Variants in GLRA1 observed in about 807,000 individuals in gnomAD.
The protein encoded by GLRA1 is glycine receptor alpha 1.
In GLRA1, 37 loss-of-function variants were observed where a neutral mutation model predicts 48.3. The ratio of observed to expected loss-of-function variants is 0.77; its 90% CI spans 0.59 to 1.01. GLRA1 has a LOEUF of 1.01. GLRA1 is among the 50% of genes least tolerant of loss of function. GLRA1 has a pLI of 0.00. For missense variants in GLRA1, 427 were observed against 571.0 expected (o/e 0.75, Z 2.57); for synonymous variants, 196 against 210.7 (o/e 0.93, Z 0.60).
intron 3 of GLRA1, among the ~76,000 whole-genome samples, chr5:151,877,840 CT>C (rs1753664736): frequency 6.6e-6 from 1 of 152,148 alleles, no homozygotes; most frequent in Non-Finnish European, 1.5e-5. Flanking sequence ...CAATAAAGGT[CT>C]TTCTTTTGTA....
intron 3 of GLRA1, among the ~76,000 whole-genome samples, chr5:151,885,961 T>A (rs1250900837): frequency 6.6e-6 from 1 of 152,150 alleles, no homozygotes; most frequent in African/African-American, 2.4e-5. Context: ...GGCGGGTGGA[T>A]GTTCCGAAAT....
intron 3 of GLRA1, chr5:151,875,438 T>G (rs780846051): frequency 6.6e-6 from 1 of 152,194 alleles, no homozygotes; most frequent in Non-Finnish European, 1.5e-5. Flanking sequence ...CCTCCCAGAG[T>G]GCTAGAATTA....
At chr5:151,852,465 T>G (rs935223507) in intron 6 of GLRA1, among the ~76,000 whole-genome samples, 2 of 152,246 alleles carry the variant, frequency 1.3e-5, no homozygotes, top group African/African-American at 4.8e-5. Flanking sequence ...TCTATCTGTC[T>G]TCTGCACTAG....
intron 7 of GLRA1, among the ~76,000 whole-genome samples, chr5:151,842,792 G>C (rs978818643): frequency 6.6e-6 from 1 of 151,880 alleles, no homozygotes. Flanking sequence ...AGGTGAGAAA[G>C]AAAAAAATAA....
intron 3 of GLRA1, among the ~76,000 whole-genome samples, chr5:151,880,943 TCA>T (rs1486324129): frequency 1.3e-5 from 2 of 152,228 alleles, no homozygotes; most frequent in African/African-American, 4.8e-5. Context: ...GTATGCAAAC[TCA>T]CAGATACATG....
At chr5:151,893,291 T>TAA (rs1754136389) in intron 1 of GLRA1, among the ~76,000 whole-genome samples, 4 of 79,800 alleles carry the variant, frequency 5.0e-5, no homozygotes, top group Middle Eastern at 6.1e-3. Context: ...CAACTTTCTT[T>TAA]CTTTCTTTCT....
chr5:151,894,435 C>A lies in GLRA1; in HGVS notation c.57-1997G>T, dbSNP rs145592426. ...AATTCATCTCCCAAACTGAACACTA[C>A]AGCTTCCTTCCTAGACTTGCTCCTC... On this transcript the variant is annotated intron_variant, in intron 1 of 8. Coordinates refer to ENST00000274576, the MANE Select transcript of GLRA1 (RefSeq NM_000171.4). 2.0e-5 allele frequency among the ~76,000 whole-genome samples: 3 copies of A among 152,296 alleles called. No individual in the cohort carries two copies. In the East Asian group the frequency reaches 5.8e-4, roughly 29 times the overall value.
chr5:151,849,104 T>TTTTCTTTTCTTTCTTTC (rs748376771), intron 7 of GLRA1: 24 of 117,008 alleles, frequency 2.1e-4, no homozygotes, highest in African/African-American at 6.9e-4. Context: ...ATTTCTTTTC[T>TTTTCTTTTCTTTCTTTC]TTTCTTTCTT....
At chr5:151,861,445 T>C (rs1288021039) in intron 3 of GLRA1, among the ~76,000 whole-genome samples, 1 of 152,244 alleles carries the variant, frequency 6.6e-6, no homozygotes, top group Non-Finnish European at 1.5e-5. Flanking sequence ...GGTATCTCAT[T>C]GTGGTTTTGA....
intron 7 of GLRA1, among the ~76,000 whole-genome samples, chr5:151,835,388 A>G (rs1004904638): frequency 2.0e-5 from 3 of 152,198 alleles, no homozygotes; most frequent in Non-Finnish European, 2.9e-5. Context: ...ATTCCAAACA[A>G]TAGAAAAAGA....
chr5:151,829,924 A>G (rs1427571491), intron 7 of GLRA1, among the ~76,000 whole-genome samples: 1 of 152,238 alleles, frequency 6.6e-6, no homozygotes, highest in Non-Finnish European at 1.5e-5. Context: ...ATGGCTGAAT[A>G]ATACCCTGTT....
chr5:151,907,165 A>C (rs1482856409), intron 1 of GLRA1, among the ~76,000 whole-genome samples: 1 of 148,418 alleles, frequency 6.7e-6, no homozygotes, highest in Non-Finnish European at 1.5e-5. Flanking sequence ...TAAACTAAGA[A>C]TATGGCCTAA....
At chr5:151,875,816 T>C (rs1753612841) in intron 3 of GLRA1, 1 of 152,258 alleles carries the variant, frequency 6.6e-6, no homozygotes, top group Non-Finnish European at 1.5e-5. Flanking sequence ...TCCCTCTTTC[T>C]TTATGCTCAG....
intron 3 of GLRA1, among the ~76,000 whole-genome samples, chr5:151,880,912 G>A (rs906077797): frequency 1.3e-5 from 2 of 152,164 alleles, no homozygotes; most frequent in East Asian, 3.9e-4. Context: ...TCGTTCTTAA[G>A]TACTTTCACA....
At chr5:151,845,090 A>T (rs1026019985) in intron 7 of GLRA1, among the ~76,000 whole-genome samples, 22 of 152,112 alleles carry the variant, frequency 1.4e-4, no homozygotes, top group African/African-American at 5.3e-4. Flanking sequence ...GGTTTGTTAC[A>T]TAGGTGTATT....
intron 7 of GLRA1, chr5:151,850,700 TCTGCCA>T (rs1276161116): frequency 1.7e-6 from 2 of 1,175,212 alleles, no homozygotes; most frequent in Non-Finnish European, 2.6e-6. Context: ...CTGTTGCCCC[TCTGCCA>T]CTGCGAACCC....
At chr5:151,853,495 A>G (rs2113347047) in intron 6 of GLRA1, among the ~76,000 whole-genome samples, 1 of 150,914 alleles carries the variant, frequency 6.6e-6, no homozygotes, top group East Asian at 1.9e-4. Context: ...GCCTCAAGTC[A>G]TCCACCCGCC....
chr5:151,902,126 C>T (rs1471231219), intron 1 of GLRA1, among the ~76,000 whole-genome samples: 1 of 152,132 alleles, frequency 6.6e-6, no homozygotes, highest in Non-Finnish European at 1.5e-5. Context: ...AATTGATAAT[C>T]GTTTGCACAC....
chr5:151,866,186 A>G (rs1030751113), intron 3 of GLRA1, among the ~76,000 whole-genome samples: 3 of 152,120 alleles, frequency 2.0e-5, no homozygotes, highest in South Asian at 2.1e-4. Flanking sequence ...TTCAGCATCA[A>G]CTCACCCATC....
Sources: gnomAD v4.1 joint callset for allele counts (sites outside exome capture counted in the v4.1 genomes callset) on GRCh38, gnomAD v4.1.1 for gene constraint, MANE v1.5 for transcripts, NCBI Gene and HGNC (gene_info 2026-07-23, HGNC 2026-07-21) for gene names.